The following ELOVL6 variants were observed in gnomAD, a reference collection of about 807,000 sequenced individuals.
The protein encoded by ELOVL6 is very long chain fatty acid elongase 6.
In ELOVL6, 8 loss-of-function variants were observed where a neutral mutation model predicts 31.7. The observed-to-expected ratio is 0.25, with a 90% CI of 0.15 to 0.45. ELOVL6 has a LOEUF of 0.45. Among genes scored for constraint, ELOVL6 ranks in the 20% least tolerant of loss-of-function variants. The pLI is 1.00. For synonymous variants in ELOVL6, 101 were observed against 117.7 expected (o/e 0.86, Z 0.92); for missense variants, 126 against 326.4 (o/e 0.39, Z 4.73).
intron 1 of ELOVL6, among the ~76,000 whole-genome samples, chr4:110,145,102 C>T (rs189042233): frequency 2.5e-4 from 38 of 151,808 alleles, no homozygotes; most frequent in Non-Finnish European, 4.9e-4. Flanking sequence ...AAGGGATGGT[C>T]TGATCAGAGG....
intron 2 of ELOVL6, among the ~76,000 whole-genome samples, chr4:110,081,049 C>T (rs1444803135): frequency 6.6e-6 from 1 of 152,204 alleles, no homozygotes; most frequent in East Asian, 1.9e-4. Context: ...TGTGAAGGAC[C>T]TCTTCAAGGA....
intron 1 of ELOVL6, among the ~76,000 whole-genome samples, chr4:110,130,095 A>G (rs1233236579): frequency 6.6e-6 from 1 of 151,704 alleles, no homozygotes; most frequent in Non-Finnish European, 1.5e-5. Flanking sequence ...ATGGGGTTTC[A>G]CCATGTTGGC....
At chr4:110,073,105 A>G (rs1755537199) in intron 2 of ELOVL6, among the ~76,000 whole-genome samples, 1 of 152,150 alleles carries the variant, frequency 6.6e-6, no homozygotes, top group South Asian at 2.1e-4. Flanking sequence ...TCATCCTTAC[A>G]ATTTTTTTAA....
chr4:110,164,087 G>A (rs1187430956), intron 1 of ELOVL6, among the ~76,000 whole-genome samples: 1 of 152,166 alleles, frequency 6.6e-6, no homozygotes, highest in Non-Finnish European at 1.5e-5. Flanking sequence ...TTTTCATGGA[G>A]AGCCTAGAAA....
chr4:110,117,625 A>G (rs1757203399), intron 1 of ELOVL6: 2 of 151,638 alleles, frequency 1.3e-5, no homozygotes, highest in Admixed American at 1.3e-4. Context: ...CCTCTCCTGA[A>G]TGAAGGTCAT....
chr4:110,143,147 T>C (rs966239345), intron 1 of ELOVL6, among the ~76,000 whole-genome samples: 3 of 152,104 alleles, frequency 2.0e-5, no homozygotes, highest in Non-Finnish European at 4.4e-5. Flanking sequence ...CAAAGACACA[T>C]CATTAAAAAG....
intron 2 of ELOVL6, among the ~76,000 whole-genome samples, chr4:110,099,820 A>C (rs1481553580): frequency 6.6e-6 from 1 of 152,188 alleles, no homozygotes; most frequent in Non-Finnish European, 1.5e-5. Flanking sequence ...AACCCAGCTG[A>C]CATGTCATAG....
chr4:110,174,202 T>C (rs1246767053), intron 1 of ELOVL6, among the ~76,000 whole-genome samples: 1 of 151,270 alleles, frequency 6.6e-6, no homozygotes, highest in African/African-American at 2.4e-5. Flanking sequence ...CTTACTCTGT[T>C]GTTCAGGCTG....
rs1183531960 is a variant in ELOVL6 at position 110,049,830 on chromosome 4, A to T, written c.*1508T>A. The T allele has an allele frequency of 4.6e-5, 7 of 151,524 alleles. No homozygotes were observed. In the Admixed American group the frequency reaches 4.6e-4, roughly 10 times the overall value. The allele number at this position is 151,524 out of a possible 1,614,324, so 9.4% of individuals were successfully genotyped here. A position where few individuals can be genotyped will look rare whatever the true frequency, so the allele number is the denominator to read the frequency against. ...ATTGCTTCTTTGAAATACTAGAAAC[A>T]TTGACACATGTATTTGGCTTGTAAA... is the stretch of plus-strand genomic sequence containing the variant. On this transcript the variant is annotated 3_prime_UTR_variant, in exon 4 of 4. Transcript: ENST00000302274.
chr4:110,053,523 G>T (rs1426981251), intron 3 of ELOVL6, among the ~76,000 whole-genome samples: 1 of 152,192 alleles, frequency 6.6e-6, no homozygotes, highest in Non-Finnish European at 1.5e-5. Flanking sequence ...AAAGAAAGTT[G>T]GCCGGGTGTG....
Position 110,110,342 on chromosome 4 carries a change from C to T in ELOVL6, c.90-4714G>A, listed in dbSNP as rs181160533. On this transcript the variant is annotated intron_variant, in intron 1 of 3. Transcript: ENST00000302274. Reference sequence around the variant, plus strand: ...TAATTCTGCCACATTCTTAAGGATTCTGCAAGACTTCATATAGGCATTTTT... The same window carrying T: ...TAATTCTGCCACATTCTTAAGGATTTTGCAAGACTTCATATAGGCATTTTT... 4.0e-5 allele frequency among the ~76,000 whole-genome samples: 6 copies of T among 149,918 alleles called. No individual in the cohort carries two copies. The East Asian group carries it at 7.8e-4, about 20-fold the overall frequency.
intron 1 of ELOVL6, among the ~76,000 whole-genome samples, chr4:110,136,838 G>T (rs1249281501): frequency 6.6e-6 from 1 of 152,128 alleles, no homozygotes; most frequent in African/African-American, 2.4e-5. Flanking sequence ...AGAAGTAGGG[G>T]AAGAGTGAGA....
intron 2 of ELOVL6, among the ~76,000 whole-genome samples, chr4:110,084,339 TATATG>T (rs1231875263): frequency 1.6e-5 from 2 of 123,118 alleles, no homozygotes; most frequent in South Asian, 2.6e-4. Flanking sequence ...ATATATCACA[TATATG>T]ATATATGATA....
chr4:110,105,666 G>A, intron 1 of ELOVL6, 38 bp from the exon 2 acceptor site: 1 of 1,594,464 alleles, frequency 6.3e-7, no homozygotes, highest in Admixed American at 1.7e-5. Flanking sequence ...GATATTTTTA[G>A]TCATTAGGAA....
Position 110,117,903 on chromosome 4 carries a change from A to AAAAAATATATATATATAT in ELOVL6, c.90-12276_90-12275insATATATATATATATTTTT. 27 of 6,484 alleles carry AAAAAATATATATATATAT rather than the reference A, an allele frequency of 4.2e-3. 4 individuals carry two copies. Among genetic ancestry groups the AAAAAATATATATATATAT allele is most frequent in the Non-Finnish European group, 7.5e-3 (20 of 2,672 alleles). 0.4% of individuals were successfully genotyped at this position (6,484 alleles called of 1,614,324 possible). Reference sequence around the variant, plus strand: ...TCTCAAAAAAAAAAAAAAAAAAAAAAATATATATATATATATATATATCTC... The same window carrying AAAAAATATATATATATAT: ...TCTCAAAAAAAAAAAAAAAAAAAAAAAAAAATATATATATATATATATATATATATATATATATATCTC... On this transcript the variant is annotated intron_variant, in intron 1 of 3. Transcript: ENST00000302274.
intron 3 of ELOVL6, among the ~76,000 whole-genome samples, chr4:110,054,853 G>T (rs1754935368): frequency 6.6e-6 from 1 of 152,088 alleles, no homozygotes; most frequent in African/African-American, 2.4e-5. Context: ...GGAGTGGAGG[G>T]TAGGAGGAGG....
intron 1 of ELOVL6, among the ~76,000 whole-genome samples, chr4:110,188,913 A>G (rs1053851527): frequency 2.0e-5 from 3 of 151,812 alleles, no homozygotes; most frequent in East Asian, 3.9e-4. Flanking sequence ...AAAGTAAAAC[A>G]TTATAAAAGG....
At chr4:110,094,486 TTATAA>T (rs1756523800) in intron 2 of ELOVL6, among the ~76,000 whole-genome samples, 1 of 125,804 alleles carries the variant, frequency 7.9e-6, no homozygotes, top group African/African-American at 2.9e-5. Flanking sequence ...ATATATGTAA[TTATAA>T]TATATAATTA....
intron 2 of ELOVL6, among the ~76,000 whole-genome samples, chr4:110,084,026 C>CTATATATGATATATATAA (rs1560813591): frequency 1.5e-4 from 1 of 6,804 alleles, no homozygotes; most frequent in Non-Finnish European, 2.7e-4. Flanking sequence ...ATAACATATG[C>CTATATATGATATATATAA]CATATATGGT....
Sources: gnomAD v4.1 joint callset for allele counts (sites outside exome capture counted in the v4.1 genomes callset) on GRCh38, gnomAD v4.1.1 for gene constraint, MANE v1.5 for transcripts, NCBI Gene and HGNC (gene_info 2026-07-23, HGNC 2026-07-21) for gene names.